The following PFKP variants were observed in gnomAD, a reference collection of about 807,000 sequenced individuals.
The protein encoded by PFKP is ATP-dependent 6-phosphofructokinase, platelet type.
Under a neutral mutation model 94.3 loss-of-function variants are expected in PFKP, and 101 were observed. The ratio of observed to expected loss-of-function variants is 1.07; its 90% CI spans 0.91 to 1.26. The LOEUF (loss-of-function observed/expected upper bound fraction) is 1.26. Ranked by LOEUF, PFKP falls within the 50% of genes most tolerant of loss-of-function variation. The pLI is 0.00. For synonymous variants in PFKP, 573 were observed against 432.6 expected (o/e 1.32, Z -4.03); for missense variants, 1,145 against 1,103.3 (o/e 1.04, Z -0.53).
intron 2 of PFKP, among the ~76,000 whole-genome samples, chr10:3,090,084 A>G (rs1180141426): frequency 6.6e-6 from 1 of 152,152 alleles, no homozygotes; most frequent in East Asian, 1.9e-4. Flanking sequence ...ATTCTTTTTT[A>G]TTGGCTGAAT....
chr10:3,080,028 C>T (rs72778563), intron 1 of PFKP, among the ~76,000 whole-genome samples: 12,289 of 151,936 alleles, frequency 0.081, 570 homozygotes, highest in Middle Eastern at 0.099. Flanking sequence ...GGTGCCAGAG[C>T]CGAGGAGGAG....
chr10:3,109,251 G>A (rs1835920512), intron 9 of PFKP, 104 bp from the exon 10 acceptor site: 2 of 1,464,552 alleles, frequency 1.4e-6, no homozygotes, highest in African/African-American at 1.4e-5. Flanking sequence ...GGGAGGGGCT[G>A]TGAGCACCTG....
In PFKP at chr10:3,129,919, G is replaced by T. The variant is rs199856687; in HGVS notation, c.1784G>T (p.Gly595Val). The T allele has an allele frequency of 2.5e-6, 4 of 1,611,836 alleles. No homozygotes were observed. The highest frequency in any genetic ancestry group is 1.3e-5 in the African/African-American group (1 of 74,896). ...GYCGYLANMG[G>V]LAAGADAAYI... ...TGTGGCTACCTGGCCAACATGGGGG[G>T]GCTCGCGGCCGGAGCTGATGCCGCA... Residue 595 changes from glycine (G) to valine (V), a missense_variant, in exon 17 of 22, where the codon GGG (glycine) becomes GTG (valine). Transcript: ENST00000381125.
chr10:3,100,882 A>T, intron 3 of PFKP: 1 of 1,125,612 alleles, frequency 8.9e-7, no homozygotes, highest in Non-Finnish European at 1.3e-6. Context: ...AAAAAAAAAA[A>T]TCCCCCTGGC....
intron 5 of PFKP, 139 bp from the exon 6 acceptor site, chr10:3,104,976 C>T (rs1420070881): frequency 5.3e-6 from 4 of 761,494 alleles, no homozygotes; most frequent in Non-Finnish European, 9.2e-6. Flanking sequence ...AAGCCTAGGT[C>T]CCTGCAGGCC....
At chr10:3,124,737 T>A (rs1402982570) in intron 16 of PFKP, among the ~76,000 whole-genome samples, 1 of 152,220 alleles carries the variant, frequency 6.6e-6, no homozygotes, top group Non-Finnish European at 1.5e-5. Flanking sequence ...TTAAGTGTCC[T>A]GACTGCCCTG....
intron 1 of PFKP, among the ~76,000 whole-genome samples, chr10:3,074,152 T>G (rs918048477): frequency 3.3e-5 from 5 of 152,222 alleles, no homozygotes; most frequent in African/African-American, 1.2e-4. Context: ...ATTTCTGTGT[T>G]TCTGTAATCA....
intron 10 of PFKP, among the ~76,000 whole-genome samples, chr10:3,110,365 ATTTTTTTT>A (rs57980780): frequency 3.7e-4 from 34 of 92,576 alleles, no homozygotes; most frequent in African/African-American, 7.8e-4. Flanking sequence ...CGCCTGGCTA[ATTTTTTTT>A]TTTTTTTTTT....
intron 16 of PFKP, among the ~76,000 whole-genome samples, chr10:3,126,819 C>A (rs1012170712): frequency 6.6e-6 from 1 of 152,274 alleles, no homozygotes. Context: ...CATGGGACTC[C>A]TCGGGGAATT....
chr10:3,068,676 C>T (rs960415971), intron 1 of PFKP: 4 of 984,914 alleles, frequency 4.1e-6, no homozygotes, highest in Non-Finnish European at 3.6e-6. Flanking sequence ...CGCCCCAGGC[C>T]CCGGGTGCAC....
At chr10:3,111,344 G>C (rs536914849) in intron 10 of PFKP, among the ~76,000 whole-genome samples, 1 of 152,270 alleles carries the variant, frequency 6.6e-6, no homozygotes, top group South Asian at 2.1e-4. Context: ...GTGAGGTAGT[G>C]TGTGTCTGCA....
intron 10 of PFKP, 80 bp downstream of exon 10, chr10:3,109,560 TG>T: frequency 2.6e-6 from 4 of 1,538,110 alleles, no homozygotes; most frequent in Non-Finnish European, 3.5e-6. Flanking sequence ...CTGGGCACCT[TG>T]GGTGTCTCGT....
rs1212952355 is a variant in PFKP at position 3,096,475 on chromosome 10, G to A, written c.187-2800G>A. ...AGTTTTGCCGGAGCCCCAGGTTTAC[G>A]GCCGCTCTACATCCCAGTCCTCTCA... On this transcript the variant is annotated intron_variant, in intron 2 of 21. Transcript: ENST00000381125. Among the ~76,000 whole-genome samples, 4 of 152,134 alleles carry A rather than the reference G, an allele frequency of 2.6e-5. 1 individual carries two copies. The highest frequency in any genetic ancestry group is 2.1e-4 in the South Asian group (1 of 4,834).
chr10:3,072,153 C>A (rs150712830), intron 1 of PFKP, among the ~76,000 whole-genome samples: 1 of 152,354 alleles, frequency 6.6e-6, no homozygotes, highest in Non-Finnish European at 1.5e-5. Flanking sequence ...CCATGAAGTC[C>A]TTTAGAGGAA....
chr10:3,087,395 C>A (rs1372679940), intron 2 of PFKP, among the ~76,000 whole-genome samples: 1 of 152,142 alleles, frequency 6.6e-6, no homozygotes. Flanking sequence ...ACAACCTTGT[C>A]TGGCGGGGAC....
chr10:3,097,034 C>T lies in PFKP; in HGVS notation c.187-2241C>T, dbSNP rs1402840319. ...CGGAGCTTGCAATGAGCCAAGATCA[C>T]GCCACTGCACTCCAGCCTGGGTGAC... On this transcript the variant is annotated intron_variant, in intron 2 of 21. Transcript: ENST00000381125. Among the ~76,000 whole-genome samples, 11 of 116,750 alleles carry T rather than the reference C, an allele frequency of 9.4e-5. 2 individuals carry two copies. The highest frequency in any genetic ancestry group is 1.4e-4 in the African/African-American group (4 of 28,928). The allele number at this position is 116,750 out of a possible 152,430, so 76.6% of individuals were successfully genotyped here. A position where few individuals can be genotyped will look rare whatever the true frequency, so the allele number is the denominator to read the frequency against.
chr10:3,116,440 T>G (rs1240063379), intron 13 of PFKP, among the ~76,000 whole-genome samples: 1 of 152,228 alleles, frequency 6.6e-6, no homozygotes, highest in African/African-American at 2.4e-5. Flanking sequence ...CCCTTAATCT[T>G]TTACCAACTT....
intron 19 of PFKP, among the ~76,000 whole-genome samples, 171 bp downstream of exon 19, chr10:3,133,485 C>T (rs954176207): frequency 6.6e-6 from 1 of 152,206 alleles, no homozygotes; most frequent in South Asian, 2.1e-4. Flanking sequence ...GGCTGGAGTG[C>T]AGTGGTACAA....
Position 3,129,801 on chromosome 10 carries a change from TCG to T in PFKP, c.1684-16_1684-15del. 1 of 1,612,644 alleles carries T rather than the reference TCG, an allele frequency of 6.2e-7. No individual in the cohort carries two copies. Among genetic ancestry groups the T allele is most frequent in the Non-Finnish European group, 8.5e-7 (1 of 1,179,698 alleles). ...CCCGGGCCTGGGCTGGAGTGACTGATCGCTTCTCTGTGACCAGACCTGCGACC... is the reference window on the plus strand; with the variant it reads ...CCCGGGCCTGGGCTGGAGTGACTGATCTTCTCTGTGACCAGACCTGCGACC... On this transcript the variant is annotated splice_polypyrimidine_tract_variant and intron_variant, in intron 16 of 21. Transcript: ENST00000381125.
Sources: allele counts gnomAD v4.1 joint callset (sites outside exome capture counted in the v4.1 genomes callset), GRCh38; gene constraint gnomAD v4.1.1; transcripts MANE v1.5; gene names NCBI Gene and HGNC (gene_info 2026-07-23, HGNC 2026-07-21).